The following IFT43 variants were observed in gnomAD, a reference collection of about 807,000 sequenced individuals.
IFT43 encodes the protein intraflagellar transport protein 43 homolog.
In IFT43, 33 loss-of-function variants were observed where a neutral mutation model predicts 32.3. The ratio of observed to expected loss-of-function variants is 1.02; its 90% CI spans 0.77 to 1.37. The LOEUF (loss-of-function observed/expected upper bound fraction) is 1.37. Among genes scored for constraint, IFT43 ranks in the 40% most tolerant of loss-of-function variants. The pLI is 0.00. For synonymous variants in IFT43, 93 were observed against 98.2 expected, an observed-to-expected ratio of 0.95 and a Z score of 0.31; for missense variants, 274 against 265.9, an observed-to-expected ratio of 1.03 and a Z score of -0.21.
At chr14:75,990,390 CT>C (rs1429247745) in intron 2 of IFT43, among the ~76,000 whole-genome samples, 1 of 152,202 alleles carries the variant, frequency 6.6e-6, no homozygotes, top group Non-Finnish European at 1.5e-5. Flanking sequence ...GCCATGGCAC[CT>C]CCATTGTGAT....
At chr14:76,028,590 T>C (rs1023013057) in intron 3 of IFT43, among the ~76,000 whole-genome samples, 1 of 152,106 alleles carries the variant, frequency 6.6e-6, no homozygotes, top group Non-Finnish European at 1.5e-5. Context: ...CAGTACCCAA[T>C]AGGAAGCTTT....
chr14:76,039,646 TTTTA>T (rs1199759733), intron 3 of IFT43, among the ~76,000 whole-genome samples: 9 of 152,340 alleles, frequency 5.9e-5, no homozygotes, highest in African/African-American at 1.4e-4. Context: ...TACTGGTGAA[TTTTA>T]TTTATTTATT....
At chr14:76,025,938 A>G (rs2036384330) in intron 3 of IFT43, among the ~76,000 whole-genome samples, 1 of 152,236 alleles carries the variant, frequency 6.6e-6, no homozygotes, top group Non-Finnish European at 1.5e-5. Flanking sequence ...CAAAAGCAAA[A>G]ATTGACAAAT....
chr14:75,998,120 C>T (rs1382492799), intron 2 of IFT43, among the ~76,000 whole-genome samples: 4 of 152,198 alleles, frequency 2.6e-5, no homozygotes, highest in Non-Finnish European at 5.9e-5. Flanking sequence ...TTCCTTATCA[C>T]TTCAATCACA....
chr14:76,002,370 G>T (rs975328645), intron 2 of IFT43, among the ~76,000 whole-genome samples: 6 of 152,154 alleles, frequency 3.9e-5, no homozygotes, highest in African/African-American at 1.4e-4. Flanking sequence ...AAGGTAAGGG[G>T]GGGGGTGGCA....
intron 3 of IFT43, among the ~76,000 whole-genome samples, chr14:76,047,261 A>G (rs768168926): frequency 1.3e-5 from 2 of 152,186 alleles, no homozygotes; most frequent in African/African-American, 2.4e-5. Context: ...GCCTGAGATT[A>G]GAGCTCAGCA....
chr14:76,025,084 T>TA (rs200407537), intron 3 of IFT43, among the ~76,000 whole-genome samples: 9 of 151,940 alleles, frequency 5.9e-5, no homozygotes, highest in Non-Finnish European at 7.4e-5. Flanking sequence ...AGATGAAAGA[T>TA]AAAAAAAATA....
intron 5 of IFT43, among the ~76,000 whole-genome samples, chr14:76,060,164 T>C (rs989426998): frequency 1.3e-5 from 2 of 152,208 alleles, no homozygotes; most frequent in African/African-American, 4.8e-5. Flanking sequence ...GTCTCTAAAA[T>C]GAAGCCTTCT....
intron 5 of IFT43, among the ~76,000 whole-genome samples, chr14:76,075,640 G>A (rs938064134): frequency 1.3e-5 from 2 of 152,314 alleles, no homozygotes; most frequent in South Asian, 2.1e-4. Context: ...TGCTGAACAC[G>A]GCTCTTTGTA....
intron 5 of IFT43, among the ~76,000 whole-genome samples, chr14:76,074,417 C>T (rs1328495247): frequency 6.6e-6 from 1 of 152,186 alleles, no homozygotes; most frequent in Non-Finnish European, 1.5e-5. Flanking sequence ...CTCCGTTCTT[C>T]GTTTCCTTCA....
At chr14:76,052,941 A>G (rs1287954117) in intron 3 of IFT43, among the ~76,000 whole-genome samples, 1 of 152,102 alleles carries the variant, frequency 6.6e-6, no homozygotes, top group Admixed American at 6.5e-5. Context: ...AGCATTTCCC[A>G]TGCTGTTGAA....
At position 75,985,780 on chromosome 14, in the gene IFT43, C is replaced by T. The variant is rs756758891; in HGVS notation, c.-7C>T. 3.7e-6 allele frequency: 6 copies of T among 1,614,038 alleles called. No homozygotes were observed. The African/African-American group carries it at 4.0e-5, about 11-fold the overall frequency. On this transcript the variant is annotated 5_prime_UTR_variant, in exon 1 of 9. Coordinates refer to ENST00000314067, the MANE Select transcript of IFT43 (RefSeq NM_001102564.3). ...TTTCCAGGAAGTGACGTCAGGCGGC[C>T]GCGGAGATGGAGGATTTGCTCGACT...
intron 2 of IFT43, among the ~76,000 whole-genome samples, chr14:75,996,036 C>CT (rs1456760681): frequency 6.6e-6 from 1 of 152,190 alleles, no homozygotes; most frequent in African/African-American, 2.4e-5. Flanking sequence ...CTGGCTCTGG[C>CT]TTTGTCAAAT....
intron 5 of IFT43, among the ~76,000 whole-genome samples, chr14:76,067,683 A>C (rs557311797): frequency 1.1e-3 from 165 of 152,266 alleles, no homozygotes; most frequent in African/African-American, 3.7e-3. Context: ...CTATTGCTTA[A>C]CCAGAATGTA....
At chr14:76,003,113 C>T (rs546862099) in intron 2 of IFT43, among the ~76,000 whole-genome samples, 1 of 152,334 alleles carries the variant, frequency 6.6e-6, no homozygotes, top group South Asian at 2.1e-4. Context: ...AGGGTACTGA[C>T]TAATGTCGAA....
chr14:76,004,099 A>G (rs1239799860), intron 2 of IFT43, among the ~76,000 whole-genome samples: 1 of 152,198 alleles, frequency 6.6e-6, no homozygotes, highest in Non-Finnish European at 1.5e-5. Flanking sequence ...TACTTTAAAC[A>G]GTTGTCACTG....
chr14:76,035,723 A>C (rs1198189573), intron 3 of IFT43, among the ~76,000 whole-genome samples: 1 of 152,206 alleles, frequency 6.6e-6, no homozygotes, highest in Non-Finnish European at 1.5e-5. Context: ...ATTTCCCAGA[A>C]AGGTGTCACA....
intron 5 of IFT43, among the ~76,000 whole-genome samples, chr14:76,078,791 C>T (rs978850429): frequency 2.6e-5 from 4 of 152,236 alleles, no homozygotes; most frequent in Non-Finnish European, 5.9e-5. Context: ...TGTCACAGCC[C>T]TCTTACCTCA....
At chr14:76,037,890 C>T (rs2036631948) in intron 3 of IFT43, among the ~76,000 whole-genome samples, 2 of 152,164 alleles carry the variant, frequency 1.3e-5, no homozygotes, top group South Asian at 2.1e-4. Context: ...GCATTTCTTA[C>T]AGAGCTCTAA....
Sources: allele counts gnomAD v4.1 joint callset (sites outside exome capture counted in the v4.1 genomes callset), GRCh38; gene constraint gnomAD v4.1.1; transcripts MANE v1.5; gene names NCBI Gene and HGNC (gene_info 2026-07-23, HGNC 2026-07-21).